The following DZIP1 variants were observed in gnomAD, a reference collection of about 807,000 sequenced individuals.
DZIP1 encodes the protein cilium assembly protein DZIP1.
DZIP1 carries 97 observed loss-of-function variants against 107.6 expected under a neutral mutation model. That is an observed-to-expected ratio of 0.90 (90% CI 0.77 to 1.07). DZIP1 has a LOEUF of 1.07. Ranked by LOEUF, DZIP1 falls within the 50% of genes least tolerant of loss-of-function variation. The pLI, the probability that DZIP1 is intolerant of heterozygous loss-of-function variation, is 0.00. For synonymous variants in DZIP1, 390 were observed against 386.4 expected, an observed-to-expected ratio of 1.01 and a Z score of -0.11; for missense variants, 1,035 against 1,063.6, an observed-to-expected ratio of 0.97 and a Z score of 0.37.
chr13:95,604,383 G>A (rs1306272646), intron 14 of DZIP1, among the ~76,000 whole-genome samples: 4 of 152,308 alleles, frequency 2.6e-5, no homozygotes, highest in East Asian at 3.9e-4. Context: ...GGACGTTGGC[G>A]GGCCCTGGCC....
intron 7 of DZIP1, among the ~76,000 whole-genome samples, chr13:95,627,375 G>A (rs1191111172): frequency 6.6e-6 from 1 of 151,998 alleles, no homozygotes; most frequent in Admixed American, 6.5e-5. Context: ...ATAGACCAAT[G>A]ACCTAATAGA....
intron 13 of DZIP1, among the ~76,000 whole-genome samples, chr13:95,607,337 A>G (rs2044814868): frequency 6.6e-6 from 1 of 152,218 alleles, no homozygotes; most frequent in Non-Finnish European, 1.5e-5. Flanking sequence ...ATGAGCCACC[A>G]TACCCGGCCA....
At chr13:95,642,686 A>T (rs777712510) in intron 3 of DZIP1, among the ~76,000 whole-genome samples, 21 of 152,230 alleles carry the variant, frequency 1.4e-4, no homozygotes, top group Non-Finnish European at 2.6e-4. Context: ...ATTACCCAGC[A>T]ATATACACTT....
chr13:95,609,239 T>C (rs144983620), intron 13 of DZIP1, among the ~76,000 whole-genome samples: 19 of 152,346 alleles, frequency 1.2e-4, no homozygotes, highest in African/African-American at 4.1e-4. Context: ...TGTGAAATAA[T>C]AGCTATAGCT....
At chr13:95,597,299 A>AG (rs35970942) in intron 15 of DZIP1, among the ~76,000 whole-genome samples, 137,733 of 152,200 alleles carry the variant, frequency 0.9, 62,435 homozygotes, top group African/African-American at 0.93. Context: ...CTGAAGTTCT[A>AG]TTTTGAAAGT....
chr13:95,637,686 A>G (rs1877982484), intron 5 of DZIP1, among the ~76,000 whole-genome samples: 1 of 151,944 alleles, frequency 6.6e-6, no homozygotes, highest in Non-Finnish European at 1.5e-5. Flanking sequence ...CATAGCAAGA[A>G]GGTGGCTGTT....
chr13:95,642,036 A>C lies in DZIP1; in HGVS notation c.-7T>G. ...CCGCTGCCTCAGCTTGCATAGGAGG[A>C]GCCGGGCGGTCTTTACCCAGCCTGG... is the stretch of plus-strand genomic sequence containing the variant. On this transcript the variant is annotated 5_prime_UTR_variant, in exon 4 of 23. Transcript: ENST00000376829. 1 of 1,568,756 alleles carries C rather than the reference A, an allele frequency of 6.4e-7. No individual in the cohort carries two copies. The highest frequency in any genetic ancestry group is 2.5e-5 in the East Asian group (1 of 39,376).
At chr13:95,633,206 G>C (rs756038912) in intron 6 of DZIP1, 28 bp downstream of exon 6, 3 of 1,596,204 alleles carry the variant, frequency 1.9e-6, no homozygotes, top group Non-Finnish European at 2.6e-6. Flanking sequence ...AGGAAGAAAA[G>C]AGCTTTCAAA....
intron 13 of DZIP1, among the ~76,000 whole-genome samples, chr13:95,608,049 C>T (rs1017518768): frequency 2.0e-5 from 3 of 152,186 alleles, no homozygotes; most frequent in Admixed American, 1.3e-4. Flanking sequence ...GAAAACTTCC[C>T]TGCCATCATT....
At chr13:95,585,631 G>A (rs1246555082) in intron 21 of DZIP1, among the ~76,000 whole-genome samples, 1 of 152,186 alleles carries the variant, frequency 6.6e-6, no homozygotes. Flanking sequence ...CGGCTCCCAA[G>A]TGGAGCTAAA....
At position 95,594,078 on chromosome 13, in the gene DZIP1, T is replaced by G; in HGVS notation, c.1546A>C (p.Asn516His). Residue 516 changes from asparagine (N) to histidine (H), a missense_variant, in exon 16 of 23, where the codon AAT becomes CAT. Physicochemically the swap from Asn to His is moderately conservative, Grantham distance 68. Coordinates refer to ENST00000376829, the MANE Select transcript of DZIP1 (RefSeq NM_198968.4). ...ELSEEEKGRE[N>H]EQKLNNNKMH... ...TTGTTGTTATTTAATTTCTGTTCAT[T>G]TTCCCTTCCTGAAATAAGGTTTTAA... The G allele has an allele frequency of 6.3e-7, 1 of 1,597,616 alleles. No homozygotes were observed. The highest frequency in any genetic ancestry group is 1.7e-4 in the Middle Eastern group (1 of 6,010).
rs1175052906 is a variant in DZIP1 at position 95,641,543 on chromosome 13, G to A, written c.349C>T (p.Leu117=). 6.2e-7 allele frequency: 1 copy of A among 1,613,970 alleles called. No individual in the cohort carries two copies. ...TGCGCCAGACGGATGAGCTTCAGCA[G>A]CACCGGGTCCACCCCCGACTGGCAG... ...PHCQSGVDPV[L]LKLIRLAQFT... is the part of the protein sequence containing the mutation. Residue 117 remains leucine (L), a synonymous_variant, in exon 5 of 23, where the codon CTG becomes TTG. Transcript: ENST00000376829. This position sits in a 1 kb window ranked among gnomAD's most constrained non-coding sequence, Gnocchi z 4.3.
intron 7 of DZIP1, among the ~76,000 whole-genome samples, chr13:95,628,795 T>C (rs1040920251): frequency 3.9e-5 from 6 of 152,082 alleles, no homozygotes; most frequent in East Asian, 1.9e-4. Context: ...AAAAGACAAA[T>C]ACTCTATGCT....
chr13:95,615,846 A>T (rs1432168061), intron 10 of DZIP1, among the ~76,000 whole-genome samples: 1 of 152,204 alleles, frequency 6.6e-6, no homozygotes, highest in Non-Finnish European at 1.5e-5. Context: ...CTGTAAAATG[A>T]GTGACAGCAT....
At chr13:95,613,438 G>A (rs777696355) in intron 10 of DZIP1, among the ~76,000 whole-genome samples, 14 of 151,974 alleles carry the variant, frequency 9.2e-5, no homozygotes, top group Admixed American at 5.9e-4. Flanking sequence ...TTTGAACCCC[G>A]GAGGCAGAGG....
chr13:95,632,959 T>C (rs1245051363), intron 6 of DZIP1, among the ~76,000 whole-genome samples: 3 of 152,190 alleles, frequency 2.0e-5, no homozygotes, highest in Admixed American at 6.5e-5. Flanking sequence ...TTTGTCTGTT[T>C]AATTACTCAT....
At chr13:95,599,576 C>T (rs185875345) in intron 14 of DZIP1, 152 bp from the exon 15 acceptor site, 393 of 656,268 alleles carry the variant, frequency 6.0e-4, no homozygotes, top group Middle Eastern at 4.2e-3. Flanking sequence ...TTGAGGCAAT[C>T]AGTCATAGAT....
chr13:95,578,688 A>ATGCAGAGAGTTACGTAGCAGGGGATGTTC lies in DZIP1; in HGVS notation c.*3517_*3545dup, dbSNP rs1277211022. 2 of 152,232 alleles carry ATGCAGAGAGTTACGTAGCAGGGGATGTTC rather than the reference A, an allele frequency of 1.3e-5. No homozygotes were observed. Among genetic ancestry groups the ATGCAGAGAGTTACGTAGCAGGGGATGTTC allele is most frequent in the Non-Finnish European group, 2.9e-5 (2 of 68,052 alleles). 9.4% of individuals were successfully genotyped at this position (152,232 alleles called of 1,614,324 possible). On this transcript the variant is annotated 3_prime_UTR_variant, in exon 23 of 23. Transcript: ENST00000376829. ...AAAGCCACACCATTCTCTTTGATGT[A>ATGCAGAGAGTTACGTAGCAGGGGATGTTC]TGCAGAGAGTTACGTAGCAGGGGAT...
At chr13:95,599,669 G>C (rs1368781230) in intron 14 of DZIP1, among the ~76,000 whole-genome samples, 2 of 152,164 alleles carry the variant, frequency 1.3e-5, no homozygotes, top group Non-Finnish European at 2.9e-5. Flanking sequence ...AAATAATTAA[G>C]TTAAAGTTTC....
Sources: allele counts gnomAD v4.1 joint callset (sites outside exome capture counted in the v4.1 genomes callset), GRCh38; gene constraint gnomAD v4.1.1; non-coding constraint Gnocchi (gnomAD v3.1); transcripts MANE v1.5; gene names NCBI Gene and HGNC (gene_info 2026-07-23, HGNC 2026-07-21).